The following MRPS9 variants were observed in gnomAD, a reference collection of about 807,000 sequenced individuals.
MRPS9 encodes the protein small ribosomal subunit protein uS9m.
In MRPS9, 45 loss-of-function variants were observed where a neutral mutation model predicts 59.9. That is an observed-to-expected ratio of 0.75 (90% CI 0.59 to 0.96). The LOEUF (loss-of-function observed/expected upper bound fraction) is 0.96. Ranked by LOEUF, MRPS9 falls within the 40% of genes least tolerant of loss-of-function variation. The probability of loss-of-function intolerance (pLI) is 0.00; values close to 1 mark genes in which losing one functional copy is unlikely to be tolerated. For missense variants in MRPS9, 473 were observed against 481.1 expected (o/e 0.98, Z 0.16); for synonymous variants, 171 against 166.8 (o/e 1.03, Z -0.19).
At chr2:105,059,068 T>TG (rs1341331110) in intron 2 of MRPS9, among the ~76,000 whole-genome samples, 4 of 143,406 alleles carry the variant, frequency 2.8e-5, no homozygotes, top group African/African-American at 7.9e-5. Context: ...TTTTGTTCTG[T>TG]GGGGTTTTTT....
chr2:105,099,207 AC>A (rs1680735769), intron 10 of MRPS9: 1 of 152,494 alleles, frequency 6.6e-6, no homozygotes, highest in South Asian at 2.1e-4. Context: ...ATTCATGTAA[AC>A]TGTTAATAGA....
chr2:105,038,313 G>A (rs1042971337), intron 1 of MRPS9, 86 bp downstream of exon 1: 1 of 1,523,094 alleles, frequency 6.6e-7, no homozygotes, highest in Admixed American at 2.0e-5. Context: ...AGCGTCTCGC[G>A]TGCCTTCAGG....
rs141723614 is a variant in MRPS9, at chr2:105,048,184, G to A, written c.136-987G>A. 4.3e-3 allele frequency among the ~76,000 whole-genome samples: 655 copies of A among 152,088 alleles called. 4 individuals carry two copies. The highest frequency in any genetic ancestry group is 0.015 in the African/African-American group (623 of 41,516). ...TACTATGCAGCCATAAAAAAATGAT[G>A]AGTTCATGTCCTTTGCAGGGACATG... On this transcript the variant is annotated intron_variant, in intron 1 of 10. Coordinates refer to ENST00000258455, the MANE Select transcript of MRPS9 (RefSeq NM_182640.3).
chr2:105,052,500 A>G (rs1205003283), intron 2 of MRPS9, among the ~76,000 whole-genome samples: 3 of 151,610 alleles, frequency 2.0e-5, no homozygotes, highest in Non-Finnish European at 4.4e-5. Flanking sequence ...TGGTGTGTAT[A>G]CTCTTTTTTT....
At chr2:105,041,153 A>T (rs1679494593) in intron 1 of MRPS9, among the ~76,000 whole-genome samples, 1 of 152,198 alleles carries the variant, frequency 6.6e-6, no homozygotes, top group Non-Finnish European at 1.5e-5. Flanking sequence ...TAGCATTATT[A>T]TGAGCAGTTG....
At chr2:105,096,123 C>T (rs1340789388) in intron 9 of MRPS9, among the ~76,000 whole-genome samples, 3 of 152,052 alleles carry the variant, frequency 2.0e-5, no homozygotes, top group African/African-American at 7.2e-5. Context: ...ATCCCTACAT[C>T]GTATTGTTAT....
intron 1 of MRPS9, among the ~76,000 whole-genome samples, chr2:105,044,915 A>G (rs908937158): frequency 5.9e-5 from 9 of 152,254 alleles, no homozygotes; most frequent in African/African-American, 1.2e-4. Context: ...GAGGAGCTCT[A>G]TGAGATGGGA....
chr2:105,082,110 C>T (rs757109543), intron 5 of MRPS9, among the ~76,000 whole-genome samples: 2 of 152,140 alleles, frequency 1.3e-5, no homozygotes, highest in African/African-American at 2.4e-5. Context: ...TGGGGGGAAC[C>T]GTCCCCTTCC....
At chr2:105,065,786 A>G (rs999122330) in intron 2 of MRPS9, among the ~76,000 whole-genome samples, 1 of 152,230 alleles carries the variant, frequency 6.6e-6, no homozygotes, top group African/African-American at 2.4e-5. Context: ...CTAACACTCA[A>G]GATTCTCTTG....
chr2:105,058,608 CTTTT>C (rs1296892423), intron 2 of MRPS9, among the ~76,000 whole-genome samples: 1 of 151,442 alleles, frequency 6.6e-6, no homozygotes, highest in Non-Finnish European at 1.5e-5. Flanking sequence ...CTTTTTCTTT[CTTTT>C]CTCTCAGCAC....
chr2:105,097,763 TTATCATAGC>T (rs1680697970), intron 10 of MRPS9, among the ~76,000 whole-genome samples: 1 of 152,214 alleles, frequency 6.6e-6, no homozygotes, highest in Non-Finnish European at 1.5e-5. Flanking sequence ...TGCAGTGGTA[TTATCATAGC>T]TAGCTGCAGC....
chr2:105,040,823 G>GA (rs1164341828), intron 1 of MRPS9, among the ~76,000 whole-genome samples: 2 of 152,234 alleles, frequency 1.3e-5, no homozygotes. Context: ...GCCTGAGTCA[G>GA]ACTAGAGTTG....
At chr2:105,095,160 T>C (rs1247484500) in intron 9 of MRPS9, among the ~76,000 whole-genome samples, 3 of 152,106 alleles carry the variant, frequency 2.0e-5, no homozygotes, top group Non-Finnish European at 4.4e-5. Flanking sequence ...AGGTGACCAT[T>C]GACTAATAGG....
intron 2 of MRPS9, among the ~76,000 whole-genome samples, chr2:105,050,298 C>T (rs946435705): frequency 2.0e-5 from 3 of 152,144 alleles, no homozygotes; most frequent in Non-Finnish European, 4.4e-5. Context: ...CACCACCATA[C>T]CCAGATAATT....
intron 10 of MRPS9, chr2:105,098,686 T>C (rs1444294657): frequency 6.6e-6 from 1 of 152,224 alleles, no homozygotes; most frequent in African/African-American, 2.4e-5. Context: ...TACAAGCAAG[T>C]GTAAATGTTA....
At chr2:105,046,406 C>T (rs1267257793) in intron 1 of MRPS9, among the ~76,000 whole-genome samples, 1 of 151,784 alleles carries the variant, frequency 6.6e-6, no homozygotes, top group Non-Finnish European at 1.5e-5. Flanking sequence ...GTTTTTTGTC[C>T]TAACGCTAAT....
intron 4 of MRPS9, among the ~76,000 whole-genome samples, chr2:105,079,668 T>G (rs1680289196): frequency 6.6e-6 from 1 of 152,218 alleles, no homozygotes; most frequent in South Asian, 2.1e-4. Context: ...CTAAATTTTT[T>G]TATTCTAACA....
rs1403083477 is a variant in MRPS9 at position 105,080,045 on chromosome 2, T to C, written c.472T>C (p.Tyr158His). The C allele has an allele frequency of 6.2e-7, 1 of 1,606,680 alleles. No homozygotes were observed. The highest frequency in any genetic ancestry group is 8.5e-7 in the Non-Finnish European group (1 of 1,174,924). ...TCTCTTCTATACTGGCAAACAGTCA[T>C]ACTATTCATTAATGCATGTAAGTAT... ...HYLFYTGKQS[Y>H]YSLMHDVYGM... Residue 158 changes from tyrosine to histidine, a missense_variant, in exon 5 of 11, where the codon TAC (tyrosine) becomes CAC (histidine). Coordinates refer to ENST00000258455, the MANE Select transcript of MRPS9 (RefSeq NM_182640.3).
Position 105,097,295 on chromosome 2 carries a change from C to A in MRPS9, c.1070C>A (p.Thr357Asn). The A allele has an allele frequency of 6.2e-7, 1 of 1,610,136 alleles. No homozygotes were observed. Among genetic ancestry groups the A allele is most frequent in the South Asian group, 1.1e-5 (1 of 90,416 alleles). ...AMAKALCSFV[T>N]EDEVEWMRQA... Reference sequence around the variant, plus strand: ...GCAAAAGCCTTGTGCAGCTTTGTCACCGAGGACGAGGTCGAGTGGATGAGA... The same window carrying A: ...GCAAAAGCCTTGTGCAGCTTTGTCAACGAGGACGAGGTCGAGTGGATGAGA... The change falls in exon 10 of 11, where the codon ACC (threonine) becomes AAC (asparagine). Residue 357 changes from threonine (T) to asparagine (N), a missense_variant. By Grantham distance (65) the Thr-to-Asn change is moderately conservative. Transcript: ENST00000258455.
Sources: allele counts gnomAD v4.1 joint callset (sites outside exome capture counted in the v4.1 genomes callset), GRCh38; gene constraint gnomAD v4.1.1; transcripts MANE v1.5; gene names NCBI Gene and HGNC (gene_info 2026-07-23, HGNC 2026-07-21).